CACNA1E: variants seen among roughly 807,000 people sequenced by gnomAD.
CACNA1E encodes calcium voltage-gated channel subunit alpha1 E, also known as voltage-dependent R-type calcium channel subunit alpha-1E.
In CACNA1E, 40 loss-of-function variants were observed where a neutral mutation model predicts 259.2. The ratio of observed to expected loss-of-function variants is 0.15; its 90% CI spans 0.12 to 0.20. The LOEUF (loss-of-function observed/expected upper bound fraction) is 0.20, where lower values mean the gene tolerates loss of function less well. Among genes scored for constraint, CACNA1E ranks in the 10% least tolerant of loss-of-function variants. The probability of loss-of-function intolerance (pLI) is 1.00; values close to 1 mark genes in which losing one functional copy is unlikely to be tolerated. For synonymous variants in CACNA1E, 1,104 were observed against 1,138.5 expected (o/e 0.97, Z 0.61); for missense variants, 1,874 against 3,040.1 (o/e 0.62, Z 9.02).
intron 2 of CACNA1E, among the ~76,000 whole-genome samples, chr1:181,454,965 AATT>A (rs1324368320): frequency 6.6e-6 from 1 of 152,200 alleles, no homozygotes; most frequent in East Asian, 1.9e-4. Context: ...CCCAAATGCT[AATT>A]TATGGATTTG....
At chr1:181,409,324 C>A (rs1192575258) in intron 1 of CACNA1E, among the ~76,000 whole-genome samples, 1 of 152,194 alleles carries the variant, frequency 6.6e-6, no homozygotes, top group Non-Finnish European at 1.5e-5. Flanking sequence ...TTTGTATGGG[C>A]ATTTAAATGC....
intron 1 of CACNA1E, among the ~76,000 whole-genome samples, chr1:181,500,212 C>T (rs1386181473): frequency 6.6e-6 from 1 of 152,152 alleles, no homozygotes; most frequent in Admixed American, 6.5e-5. Context: ...GTTGGTTCAC[C>T]CCTTATGCAT....
At chr1:181,421,564 A>G (rs375999167) in intron 2 of CACNA1E, among the ~76,000 whole-genome samples, 6 of 152,234 alleles carry the variant, frequency 3.9e-5, no homozygotes, top group African/African-American at 1.4e-4. Flanking sequence ...CTAAAACATA[A>G]TGTGGCTAGA....
At chr1:181,735,147 T>G (rs1388531158) in intron 21 of CACNA1E, among the ~76,000 whole-genome samples, 1 of 152,230 alleles carries the variant, frequency 6.6e-6, no homozygotes, top group African/African-American at 2.4e-5. Context: ...GAAAGTGCAA[T>G]CTCCCATGTC....
chr1:181,436,299 G>C (rs1483491494), intron 2 of CACNA1E, among the ~76,000 whole-genome samples: 1 of 152,228 alleles, frequency 6.6e-6, no homozygotes, highest in Non-Finnish European at 1.5e-5. Context: ...ATGGAAAATA[G>C]TATGGCGGTT....
intron 6 of CACNA1E, among the ~76,000 whole-genome samples, chr1:181,619,313 T>TG (rs953867834): frequency 2.0e-5 from 3 of 152,000 alleles, no homozygotes; most frequent in Non-Finnish European, 2.9e-5. Flanking sequence ...TATGGACATC[T>TG]GGGGAACAAG....
At chr1:181,717,824 A>G (rs1484501415) in intron 11 of CACNA1E, among the ~76,000 whole-genome samples, 1 of 152,198 alleles carries the variant, frequency 6.6e-6, no homozygotes, top group Non-Finnish European at 1.5e-5. Flanking sequence ...GACCAGTGAC[A>G]GGCCTACCTA....
chr1:181,628,532 G>A lies in CACNA1E; in HGVS notation c.952-22806G>A, dbSNP rs548237708. On this transcript the variant is annotated intron_variant, in intron 6 of 47. Coordinates refer to ENST00000367573, the MANE Select transcript of CACNA1E (RefSeq NM_001205293.3). The stretch of plus-strand genomic sequence containing the variant: ...AAAGGCTTTTAGGTGGGGTGTTGAT[G>A]TCAAGATTAACTCAGAGAAAATTGG... 1.5e-4 allele frequency among the ~76,000 whole-genome samples: 23 copies of A among 152,280 alleles called. No individual in the cohort carries two copies. In the South Asian group the frequency reaches 4.8e-3, roughly 32 times the overall value.
intron 1 of CACNA1E, among the ~76,000 whole-genome samples, chr1:181,354,657 T>C (rs1389959754): frequency 6.6e-6 from 1 of 152,172 alleles, no homozygotes; most frequent in Admixed American, 6.5e-5. Context: ...GCTGCAGGTC[T>C]TGCTACAGTT....
intron 16 of CACNA1E, 117 bp downstream of exon 16, chr1:181,721,992 G>T: frequency 1.4e-6 from 1 of 697,896 alleles, no homozygotes; most frequent in South Asian, 1.7e-5. Flanking sequence ...CGTGGACATT[G>T]TTTGGTGTAC....
intron 23 of CACNA1E, among the ~76,000 whole-genome samples, chr1:181,738,155 G>T (rs183393026): frequency 1.6e-3 from 245 of 152,320 alleles, no homozygotes; most frequent in African/African-American, 5.7e-3. Flanking sequence ...TGGCCACTGG[G>T]TCACATGGCT....
intron 33 of CACNA1E, among the ~76,000 whole-genome samples, chr1:181,762,966 A>G (rs1487526967): frequency 6.6e-6 from 1 of 152,234 alleles, no homozygotes; most frequent in Non-Finnish European, 1.5e-5. Context: ...AAGGAGGCAC[A>G]GTATCTTTGC....
intron 7 of CACNA1E, among the ~76,000 whole-genome samples, chr1:181,706,811 G>A (rs1477677041): frequency 6.6e-6 from 1 of 152,186 alleles, no homozygotes; most frequent in Non-Finnish European, 1.5e-5. Context: ...TTGCTAATTG[G>A]ATTATCTTGG....
At chr1:181,787,678 C>T (rs189420729) in intron 43 of CACNA1E, among the ~76,000 whole-genome samples, 91 of 152,252 alleles carry the variant, frequency 6.0e-4, no homozygotes, top group African/African-American at 2.0e-3. Context: ...TACAGGCAAA[C>T]GATGCTGAAG....
rs1572273020 is a variant in CACNA1E at position 181,580,917 on chromosome 1, G to T, written c.951+141G>T. 4 of 693,030 alleles carry T rather than the reference G, an allele frequency of 5.8e-6. No homozygotes were observed. The East Asian group carries it at 1.1e-4, about 19-fold the overall frequency. 42.9% of individuals were successfully genotyped at this position (693,030 alleles called of 1,614,324 possible). ...TGGGATGGGAGGTGAAGACTCAACTGGGATAAGCCTTAGCAGTTCATAACC... is the reference window on the plus strand; with the variant it reads ...TGGGATGGGAGGTGAAGACTCAACTTGGATAAGCCTTAGCAGTTCATAACC... On this transcript the variant is annotated intron_variant, in intron 6 of 47. Transcript: ENST00000367573.
At chr1:181,568,893 A>G (rs1650118980) in intron 3 of CACNA1E, among the ~76,000 whole-genome samples, 2 of 152,198 alleles carry the variant, frequency 1.3e-5, no homozygotes, top group Admixed American at 1.3e-4. Flanking sequence ...GGCGTGAGCC[A>G]CTGTGCCTGG....
At chr1:181,722,479 C>A (rs976975416) in intron 16 of CACNA1E, among the ~76,000 whole-genome samples, 4 of 152,180 alleles carry the variant, frequency 2.6e-5, no homozygotes, top group African/African-American at 9.7e-5. Context: ...AGTGCCCTAT[C>A]CAATCACAAG....
At chr1:181,392,439 T>G (rs1391093791) in intron 1 of CACNA1E, among the ~76,000 whole-genome samples, 2 of 152,182 alleles carry the variant, frequency 1.3e-5, no homozygotes, top group African/African-American at 2.4e-5. Flanking sequence ...TACTACTTGG[T>G]AAGATCATAG....
chr1:181,668,043 C>G (rs760615999), intron 7 of CACNA1E, among the ~76,000 whole-genome samples: 1 of 152,118 alleles, frequency 6.6e-6, no homozygotes, highest in Non-Finnish European at 1.5e-5. Flanking sequence ...CACATACACT[C>G]ATTTGTGTGT....
Sources: allele counts gnomAD v4.1 joint callset (sites outside exome capture counted in the v4.1 genomes callset), GRCh38; gene constraint gnomAD v4.1.1; transcripts MANE v1.5; gene names NCBI Gene and HGNC (gene_info 2026-07-23, HGNC 2026-07-21).